ROBO2: variants seen among roughly 807,000 people sequenced by gnomAD.
ROBO2 encodes the protein roundabout homolog 2.
In ROBO2, 53 loss-of-function variants were observed where a neutral mutation model predicts 160.8. The ratio of observed to expected loss-of-function variants is 0.33; its 90% confidence interval spans 0.26 to 0.41. The LOEUF (loss-of-function observed/expected upper bound fraction) is 0.41. Among genes scored for constraint, ROBO2 ranks in the 10% least tolerant of loss-of-function variants. The pLI is 1.00. For missense variants in ROBO2, 1,577 were observed against 1,722.4 expected (o/e 0.92, Z 1.49); for synonymous variants, 664 against 611.7 (o/e 1.09, Z -1.26).
chr3:76,774,935 G>T (rs946734363), intron 2 of ROBO2, among the ~76,000 whole-genome samples: 2 of 150,430 alleles, frequency 1.3e-5, no homozygotes, highest in Non-Finnish European at 3.0e-5. Flanking sequence ...ATACACAAGA[G>T]AATGTGATTC....
intron 2 of ROBO2, among the ~76,000 whole-genome samples, chr3:76,521,074 G>T (rs2107883164): frequency 7.4e-6 from 1 of 134,820 alleles, no homozygotes; most frequent in East Asian, 2.1e-4. Flanking sequence ...TTTTTGACAG[G>T]GTCTCCCTCT....
intron 2 of ROBO2, among the ~76,000 whole-genome samples, chr3:76,308,634 T>A (rs1409353279): frequency 6.6e-6 from 1 of 152,158 alleles, no homozygotes; most frequent in East Asian, 1.9e-4. Flanking sequence ...TCTTGTTTAT[T>A]CCATTTGCTA....
intron 2 of ROBO2, among the ~76,000 whole-genome samples, chr3:77,004,712 G>A (rs1463929759): frequency 1.3e-5 from 2 of 152,058 alleles, no homozygotes; most frequent in African/African-American, 4.8e-5. Flanking sequence ...AAAATGTTTC[G>A]GTGCTGATAT....
chr3:76,626,662 T>C (rs185974223), intron 2 of ROBO2, among the ~76,000 whole-genome samples: 1 of 152,310 alleles, frequency 6.6e-6, no homozygotes, highest in African/African-American at 2.4e-5. Context: ...TGTATTCTCT[T>C]TCTTAACTTA....
intron 2 of ROBO2, among the ~76,000 whole-genome samples, chr3:76,756,267 G>T (rs1247250341): frequency 6.6e-6 from 1 of 151,808 alleles, no homozygotes; most frequent in Non-Finnish European, 1.5e-5. Context: ...AGAAATAATG[G>T]AAAAATAGTT....
intron 2 of ROBO2, among the ~76,000 whole-genome samples, chr3:76,022,598 C>T (rs538657902): frequency 2.3e-4 from 35 of 151,774 alleles, no homozygotes; most frequent in South Asian, 8.3e-4. Context: ...TGTCAATGAA[C>T]AGCAATATTT....
intron 2 of ROBO2, among the ~76,000 whole-genome samples, chr3:77,452,830 T>C (rs1339571109): frequency 6.6e-6 from 1 of 152,202 alleles, no homozygotes; most frequent in Non-Finnish European, 1.5e-5. Flanking sequence ...TAATCCCAGT[T>C]GCAGAAACAG....
intron 2 of ROBO2, among the ~76,000 whole-genome samples, chr3:76,630,336 GCTCTGGC>G (rs1384557719): frequency 5.7e-4 from 82 of 145,128 alleles, no homozygotes; most frequent in African/African-American, 2.3e-3. Flanking sequence ...CCCTGAGATG[GCTCTGGC>G]CACTCAGGAA....
intron 2 of ROBO2, among the ~76,000 whole-genome samples, chr3:76,589,224 A>G (rs1014858378): frequency 2.0e-5 from 3 of 152,222 alleles, no homozygotes; most frequent in South Asian, 2.1e-4. Context: ...TACCTTGAAT[A>G]TATACAAAGT....
At chr3:76,591,034 C>T (rs966571386) in intron 2 of ROBO2, among the ~76,000 whole-genome samples, 1 of 151,924 alleles carries the variant, frequency 6.6e-6, no homozygotes, top group African/African-American at 2.4e-5. Context: ...TTGCCTACTC[C>T]CCACTCCTGT....
chr3:76,829,638 CCCTTT>C (rs137885137), intron 2 of ROBO2, among the ~76,000 whole-genome samples: 1,673 of 150,006 alleles, frequency 0.011, 38 homozygotes, highest in African/African-American at 0.037. Flanking sequence ...TTTTTCTTTT[CCCTTT>C]CCTTTCCTTT....
intron 2 of ROBO2, among the ~76,000 whole-genome samples, chr3:76,454,811 T>A (rs989947388): frequency 1.3e-5 from 2 of 152,142 alleles, no homozygotes; most frequent in African/African-American, 4.8e-5. Context: ...TAAATACCAT[T>A]GCTATATGTT....
intron 21 of ROBO2, among the ~76,000 whole-genome samples, chr3:77,614,486 TA>T (rs771173612): frequency 6.6e-6 from 1 of 152,148 alleles, no homozygotes; most frequent in Admixed American, 6.6e-5. Flanking sequence ...TTATAATGTC[TA>T]ATATTATAGT....
At chr3:76,836,435 T>A (rs2067694122) in intron 2 of ROBO2, among the ~76,000 whole-genome samples, 1 of 146,816 alleles carries the variant, frequency 6.8e-6, no homozygotes, top group Admixed American at 6.7e-5. Flanking sequence ...TTAATTTTTT[T>A]GTTTTTTTTT....
chr3:77,402,574 T>C (rs1352932599), intron 2 of ROBO2, among the ~76,000 whole-genome samples: 3 of 152,140 alleles, frequency 2.0e-5, no homozygotes, highest in Non-Finnish European at 2.9e-5. Context: ...TGGGCTCAAC[T>C]ATGTGCACTA....
At chr3:76,496,910 A>G (rs1047689683) in intron 2 of ROBO2, among the ~76,000 whole-genome samples, 2 of 152,130 alleles carry the variant, frequency 1.3e-5, no homozygotes, top group African/African-American at 4.8e-5. Context: ...TTGCCCCTCT[A>G]TGGTCTATTC....
chr3:76,921,415 T>C (rs1166468159), intron 2 of ROBO2, among the ~76,000 whole-genome samples: 1 of 152,090 alleles, frequency 6.6e-6, no homozygotes, highest in Admixed American at 6.6e-5. Context: ...AGTTCAAGAC[T>C]AGCCTGACCA....
In ROBO2 at chr3:77,584,969, C is replaced by CACAT. The variant is rs373839931; in HGVS notation, c.2501-3781_2501-3780insCATA. On this transcript the variant is annotated intron_variant, in intron 16 of 25. Transcript: ENST00000461745. Reference sequence around the variant, plus strand: ...ATACACACACACATATATATACACACATATATATATATATACTATATACTG... The same window carrying CACAT: ...ATACACACACACATATATATACACACACATATATATATATATATACTATATACTG... Among the ~76,000 whole-genome samples the CACAT allele has an allele frequency of 7.5e-5, 11 of 146,454 alleles. No individual in the cohort carries two copies. The South Asian group carries it at 1.7e-3, about 23-fold the overall frequency.
At chr3:76,119,973 CCT>C (rs752347140) in intron 2 of ROBO2, among the ~76,000 whole-genome samples, 1 of 111,880 alleles carries the variant, frequency 8.9e-6, no homozygotes, top group Non-Finnish European at 1.8e-5. Flanking sequence ...TTCCTTCCTT[CCT>C]CTCTCTTTCT....
Sources: gnomAD v4.1 joint callset for allele counts (sites outside exome capture counted in the v4.1 genomes callset) on GRCh38, gnomAD v4.1.1 for gene constraint, MANE v1.5 for transcripts, NCBI Gene and HGNC (gene_info 2026-07-23, HGNC 2026-07-21) for gene names.